CPPED1: variants seen among roughly 807,000 people sequenced by gnomAD.
CPPED1 encodes serine/threonine-protein phosphatase CPPED1.
In CPPED1, 28 loss-of-function variants were observed where a neutral mutation model predicts 28.0. The ratio of observed to expected loss-of-function variants is 1.00; its 90% confidence interval spans 0.74 to 1.37. The LOEUF (loss-of-function observed/expected upper bound fraction) is 1.37, where lower values mean the gene tolerates loss of function less well. Among genes scored for constraint, CPPED1 ranks in the 40% most tolerant of loss-of-function variants. The pLI is 0.00. For missense variants in CPPED1, 504 were observed against 416.5 expected (o/e 1.21, Z -1.83); for synonymous variants, 198 against 180.2 (o/e 1.10, Z -0.79).
chr16:12,730,852 G>A (rs1400078541), intron 2 of CPPED1, among the ~76,000 whole-genome samples: 1 of 152,200 alleles, frequency 6.6e-6, no homozygotes, highest in Non-Finnish European at 1.5e-5. Context: ...GGGAAAGGAT[G>A]AGTTCACATG....
At chr16:12,705,103 T>C in intron 2 of CPPED1, 54 bp from the exon 3 acceptor site, 1 of 1,500,374 alleles carries the variant, frequency 6.7e-7, no homozygotes, top group Non-Finnish European at 9.0e-7. Context: ...TCACTTGAAA[T>C]AACTAACTTA....
chr16:12,668,664 C>T (rs1412747799), intron 3 of CPPED1, among the ~76,000 whole-genome samples: 3 of 152,048 alleles, frequency 2.0e-5, no homozygotes, highest in Non-Finnish European at 4.4e-5. Context: ...AATTAACAAG[C>T]GGGAAAGGAT....
chr16:12,768,743 G>C (rs114358878), intron 2 of CPPED1, among the ~76,000 whole-genome samples: 1 of 152,016 alleles, frequency 6.6e-6, no homozygotes, highest in South Asian at 2.1e-4. Context: ...AAATTACAGA[G>C]GTATTAACAA....
intron 2 of CPPED1, among the ~76,000 whole-genome samples, chr16:12,764,512 A>G (rs911818518): frequency 2.6e-5 from 4 of 151,164 alleles, no homozygotes; most frequent in Non-Finnish European, 5.9e-5. Flanking sequence ...CAAATTTTTG[A>G]ATTTTTTTGT....
intron 2 of CPPED1, among the ~76,000 whole-genome samples, chr16:12,737,820 C>T (rs2080234520): frequency 1.3e-5 from 2 of 152,170 alleles, no homozygotes; most frequent in South Asian, 2.1e-4. Context: ...CTGGAGGGAA[C>T]ATTTGAGCAA....
chr16:12,742,022 G>C (rs8055630), intron 2 of CPPED1, among the ~76,000 whole-genome samples: 85,292 of 151,648 alleles, frequency 0.56, 24,154 homozygotes, highest in Admixed American at 0.63. Flanking sequence ...GTCGAGATCA[G>C]ACCACTGCAC....
At chr16:12,736,529 G>A (rs982640481) in intron 2 of CPPED1, among the ~76,000 whole-genome samples, 1 of 152,058 alleles carries the variant, frequency 6.6e-6, no homozygotes, top group African/African-American at 2.4e-5. Context: ...GTGAGCCACC[G>A]CACCTGGCCT....
At chr16:12,734,008 CAAT>C (rs769064268) in intron 2 of CPPED1, among the ~76,000 whole-genome samples, 4 of 144,762 alleles carry the variant, frequency 2.8e-5, no homozygotes, top group Non-Finnish European at 6.0e-5. Flanking sequence ...TTCTAGTTGG[CAAT>C]AATTACAGGA....
At position 12,709,385 on chromosome 16, in the gene CPPED1, C is replaced by T. The variant is rs906453852; in HGVS notation, c.290-4336G>A. Among the ~76,000 whole-genome samples the T allele has an allele frequency of 8.5e-5, 13 of 152,082 alleles. No homozygotes were observed. The highest frequency in any genetic ancestry group is 6.5e-4 in the Admixed American group (10 of 15,270). On this transcript the variant is annotated intron_variant, in intron 2 of 3. Coordinates refer to ENST00000381774, the MANE Select transcript of CPPED1 (RefSeq NM_018340.3). The surrounding 1 kb of genome is among the most constrained non-coding windows in gnomAD (Gnocchi z 4.4). The stretch of plus-strand genomic sequence containing the variant: ...GTGGGTGCCAAGAGTACAGGGACCC[C>T]AATGTCAGCACACACCTGACCCCCA...
At chr16:12,791,189 A>G (rs2141244528) in intron 1 of CPPED1, among the ~76,000 whole-genome samples, 1 of 151,684 alleles carries the variant, frequency 6.6e-6, no homozygotes, top group South Asian at 2.1e-4. Context: ...TGCATTAGGT[A>G]TTTGTCCTAA....
At chr16:12,713,149 T>TA (rs1352486675) in intron 2 of CPPED1, among the ~76,000 whole-genome samples, 1 of 152,078 alleles carries the variant, frequency 6.6e-6, no homozygotes, top group African/African-American at 2.4e-5. Context: ...AAAAAATGTA[T>TA]AAAAAATTGT....
At chr16:12,717,184 T>G (rs983423298) in intron 2 of CPPED1, among the ~76,000 whole-genome samples, 2 of 152,164 alleles carry the variant, frequency 1.3e-5, no homozygotes, top group African/African-American at 4.8e-5. Context: ...TAAAAAGAAC[T>G]TGGGTTTCTG....
intron 2 of CPPED1, among the ~76,000 whole-genome samples, chr16:12,762,989 G>T (rs2080418280): frequency 6.6e-6 from 1 of 152,092 alleles, no homozygotes; most frequent in Non-Finnish European, 1.5e-5. Context: ...AGCACTTTGG[G>T]AGGCCAAGGT....
chr16:12,722,260 C>G (rs1345413482), intron 2 of CPPED1, among the ~76,000 whole-genome samples: 1 of 152,178 alleles, frequency 6.6e-6, no homozygotes, highest in African/African-American at 2.4e-5. Context: ...GACTTCCCAG[C>G]TCAATATAAG....
At chr16:12,702,046 C>G (rs933737317) in intron 3 of CPPED1, among the ~76,000 whole-genome samples, 5 of 152,176 alleles carry the variant, frequency 3.3e-5, no homozygotes, top group Admixed American at 1.3e-4. Flanking sequence ...CGGTCTTGCT[C>G]TAAATTAATC....
chr16:12,796,758 A>C (rs1449370592), intron 1 of CPPED1, among the ~76,000 whole-genome samples: 1 of 152,192 alleles, frequency 6.6e-6, no homozygotes, highest in African/African-American at 2.4e-5. Flanking sequence ...AAATACCCTT[A>C]AGAAGATGTG....
chr16:12,794,689 A>C (rs543072517), intron 1 of CPPED1, among the ~76,000 whole-genome samples: 96 of 152,322 alleles, frequency 6.3e-4, no homozygotes, highest in Admixed American at 3.7e-3. Context: ...TTGATCATCA[A>C]GTCAGTGCTC....
intron 2 of CPPED1, among the ~76,000 whole-genome samples, chr16:12,777,903 C>CTTTTTTT (rs67527035): frequency 5.9e-4 from 75 of 126,558 alleles, no homozygotes; most frequent in African/African-American, 7.6e-4. Flanking sequence ...TTTCTATTTT[C>CTTTTTTT]TTTTTTTTTT....
At chr16:12,773,910 T>C (rs978227738) in intron 2 of CPPED1, among the ~76,000 whole-genome samples, 9 of 152,076 alleles carry the variant, frequency 5.9e-5, no homozygotes, top group South Asian at 2.1e-4. Flanking sequence ...GTAAAAAATA[T>C]GACACACCAT....
Sources: gnomAD v4.1 joint callset for allele counts (sites outside exome capture counted in the v4.1 genomes callset) on GRCh38, gnomAD v4.1.1 for gene constraint, Gnocchi (gnomAD v3.1) non-coding constraint, MANE v1.5 for transcripts, NCBI Gene and HGNC (gene_info 2026-07-23, HGNC 2026-07-21) for gene names.